MAST4: variants seen among roughly 807,000 people sequenced by gnomAD.
MAST4 encodes the protein microtubule associated serine/threonine kinase family member 4, also known as microtubule-associated serine/threonine-protein kinase 4.
A neutral mutation model predicts 162.7 loss-of-function variants in MAST4; 89 were observed. The observed-to-expected ratio is 0.55, with a 90% CI of 0.46 to 0.65. The LOEUF is 0.65. Ranked by LOEUF, MAST4 falls within the 30% of genes least tolerant of loss-of-function variation. The probability of loss-of-function intolerance (pLI) is 0.00; values close to 1 mark genes in which losing one functional copy is unlikely to be tolerated. For synonymous variants in MAST4, 1,479 were observed against 1,361.1 expected, an observed-to-expected ratio of 1.09 and a Z score of -1.91; for missense variants, 3,153 against 3,374.0, an observed-to-expected ratio of 0.93 and a Z score of 1.62.
intron 2 of MAST4, among the ~76,000 whole-genome samples, chr5:66,780,988 T>G (rs982442002): frequency 1.2e-4 from 19 of 152,206 alleles, no homozygotes; most frequent in Admixed American, 3.3e-4. Context: ...TTGTGACTGG[T>G]TTATTTCTTT....
intron 3 of MAST4, among the ~76,000 whole-genome samples, chr5:66,839,659 A>G (rs1758279958): frequency 2.6e-5 from 4 of 152,188 alleles, no homozygotes; most frequent in Admixed American, 2.0e-4. Context: ...ACAGTTTTTG[A>G]AAGGCAGAAT....
intron 1 of MAST4, among the ~76,000 whole-genome samples, chr5:66,618,997 G>A (rs959902151): frequency 1.1e-4 from 16 of 152,156 alleles, no homozygotes; most frequent in Admixed American, 3.3e-4. Context: ...TCTTGGCAAC[G>A]CACTAAATGC....
chr5:66,963,706 G>A, intron 4 of MAST4: 2 of 779,724 alleles, frequency 2.6e-6, no homozygotes, highest in South Asian at 2.7e-5. Flanking sequence ...TTAACTTTCA[G>A]TCTCACTCCC....
intron 21 of MAST4, 68 bp downstream of exon 21, chr5:67,142,601 C>A: frequency 1.9e-6 from 2 of 1,049,100 alleles, no homozygotes; most frequent in Non-Finnish European, 1.4e-6. Context: ...AGATAGTATC[C>A]CCGAACAGCT....
intron 3 of MAST4, among the ~76,000 whole-genome samples, chr5:66,835,685 C>G (rs1177556075): frequency 6.6e-6 from 1 of 152,102 alleles, no homozygotes; most frequent in African/African-American, 2.4e-5. Flanking sequence ...TAGAGCGTAA[C>G]TAAATAAGAT....
At chr5:67,109,556 ATACTT>A (rs1765983102) in intron 10 of MAST4, among the ~76,000 whole-genome samples, 1 of 152,198 alleles carries the variant, frequency 6.6e-6, no homozygotes, top group African/African-American at 2.4e-5. Context: ...CAACTGGTAT[ATACTT>A]TATCCAGCTA....
At chr5:66,795,645 A>G (rs1177804574) in intron 3 of MAST4, among the ~76,000 whole-genome samples, 1 of 152,172 alleles carries the variant, frequency 6.6e-6, no homozygotes, top group Non-Finnish European at 1.5e-5. Context: ...GACCTGTTGA[A>G]CTCTCATGCT....
At chr5:66,834,018 G>T (rs1030767033) in intron 3 of MAST4, among the ~76,000 whole-genome samples, 125 of 152,178 alleles carry the variant, frequency 8.2e-4, no homozygotes, top group African/African-American at 2.9e-3. Context: ...TTAGCACAGT[G>T]CCTGGCACAT....
intron 2 of MAST4, among the ~76,000 whole-genome samples, chr5:66,782,050 AG>A (rs1201486806): frequency 1.3e-5 from 2 of 152,034 alleles, no homozygotes; most frequent in Non-Finnish European, 2.9e-5. Context: ...GCACTTTGGG[AG>A]GCTGAGGTGG....
chr5:67,027,851 G>A (rs1287201206), intron 4 of MAST4, among the ~76,000 whole-genome samples: 1 of 152,214 alleles, frequency 6.6e-6, no homozygotes, highest in Non-Finnish European at 1.5e-5. Flanking sequence ...ACTTGGAGAT[G>A]AAGCTTGGAA....
chr5:66,818,163 G>T (rs1319189540), intron 3 of MAST4, among the ~76,000 whole-genome samples: 2 of 152,118 alleles, frequency 1.3e-5, no homozygotes, highest in African/African-American at 4.8e-5. Context: ...TATGACTTTA[G>T]GGTGTTCTTG....
At chr5:67,000,763 G>GGGGT (rs386404010) in intron 4 of MAST4, among the ~76,000 whole-genome samples, 1 of 151,422 alleles carries the variant, frequency 6.6e-6, no homozygotes, top group Admixed American at 6.6e-5. Context: ...AAAAGGGGGG[G>GGGGT]GGTGGCTTGT....
chr5:66,829,867 C>T (rs866874188), intron 3 of MAST4, among the ~76,000 whole-genome samples: 3 of 152,056 alleles, frequency 2.0e-5, no homozygotes, highest in African/African-American at 4.8e-5. Flanking sequence ...ATATAGGCAA[C>T]GAAAGGATTA....
At chr5:67,011,851 G>A (rs2150355001) in intron 4 of MAST4, among the ~76,000 whole-genome samples, 1 of 152,322 alleles carries the variant, frequency 6.6e-6, no homozygotes, top group Non-Finnish European at 1.5e-5. Context: ...ACAAGGGGGA[G>A]GGAGGAAGCG....
At chr5:66,616,635 C>A (rs183452517) in intron 1 of MAST4, among the ~76,000 whole-genome samples, 112 of 152,036 alleles carry the variant, frequency 7.4e-4, no homozygotes, top group African/African-American at 2.4e-3. Flanking sequence ...TCTGTAGAAC[C>A]CCCAAGCAGC....
chr5:66,901,086 C>T lies in MAST4; in HGVS notation c.674+1104C>T, dbSNP rs187142358. On this transcript the variant is annotated intron_variant, in intron 4 of 28. Transcript: ENST00000403625. ...CCTCTTCTGCATCATGATTAGGACT[C>T]TGTTGCCGAAACTTGGAAAAGTCCA... Among the ~76,000 whole-genome samples, 3 of 152,232 alleles carry T rather than the reference C, an allele frequency of 2.0e-5. No homozygotes were observed. The East Asian group carries it at 5.8e-4, about 29-fold the overall frequency.
intron 5 of MAST4, among the ~76,000 whole-genome samples, chr5:67,078,911 A>T (rs868320269): frequency 8.7e-4 from 33 of 38,052 alleles, no homozygotes; most frequent in African/African-American, 3.0e-3. Flanking sequence ...TTTTTATATA[A>T]ATATATATAT....
chr5:66,786,231 T>C (rs572874402), intron 2 of MAST4, among the ~76,000 whole-genome samples: 2 of 152,288 alleles, frequency 1.3e-5, no homozygotes, highest in Non-Finnish European at 2.9e-5. Flanking sequence ...GTAAAAATAC[T>C]TTGCCTTTAA....
chr5:67,134,424 C>A, intron 17 of MAST4, 99 bp from the exon 18 acceptor site: 2 of 1,001,130 alleles, frequency 2.0e-6, no homozygotes, highest in Non-Finnish European at 2.9e-6. Context: ...TGTGGTTGAG[C>A]AGGTGCATTC....
Sources: allele counts gnomAD v4.1 joint callset (sites outside exome capture counted in the v4.1 genomes callset), GRCh38; gene constraint gnomAD v4.1.1; transcripts MANE v1.5; gene names NCBI Gene and HGNC (gene_info 2026-07-23, HGNC 2026-07-21).